Variants in GPC5 observed in about 807,000 individuals in gnomAD.
GPC5 encodes the protein glypican-5.
In GPC5, 47 loss-of-function variants were observed where a neutral mutation model predicts 53.9. The observed-to-expected ratio is 0.87, with a 90% CI of 0.69 to 1.11. GPC5 has a LOEUF of 1.11. Among genes scored for constraint, GPC5 ranks in the 50% most tolerant of loss-of-function variants. GPC5 has a pLI of 0.00. For missense variants in GPC5, 748 were observed against 713.1 expected (o/e 1.05, Z -0.56); for synonymous variants, 286 against 263.3 (o/e 1.09, Z -0.84).
At chr13:91,593,257 G>C (rs117388238) in intron 2 of GPC5, among the ~76,000 whole-genome samples, 3,110 of 152,242 alleles carry the variant, frequency 0.02, 48 homozygotes, top group Middle Eastern at 0.048. Flanking sequence ...CTCAGCCTCA[G>C]TGTCTGCGTG....
intron 6 of GPC5, among the ~76,000 whole-genome samples, chr13:92,037,438 A>G (rs1055727930): frequency 6.6e-6 from 1 of 152,180 alleles, no homozygotes; most frequent in African/African-American, 2.4e-5. Context: ...TGCTTTATTT[A>G]ACATGAACCT....
chr13:92,410,985 A>G (rs1876015818), intron 7 of GPC5, among the ~76,000 whole-genome samples: 1 of 152,264 alleles, frequency 6.6e-6, no homozygotes, highest in African/African-American at 2.4e-5. Context: ...CTATAATCCC[A>G]GTACTTTGGG....
chr13:91,572,381 T>C (rs547296593), intron 2 of GPC5, among the ~76,000 whole-genome samples: 1 of 151,882 alleles, frequency 6.6e-6, no homozygotes, highest in East Asian at 1.9e-4. Flanking sequence ...CAAGGGAATA[T>C]CTGAGACAGG....
intron 6 of GPC5, among the ~76,000 whole-genome samples, chr13:91,998,499 C>T (rs1167187770): frequency 6.6e-6 from 1 of 152,104 alleles, no homozygotes; most frequent in Non-Finnish European, 1.5e-5. Flanking sequence ...ATAAACATGA[C>T]CTAATCTCCT....
chr13:91,646,913 T>C (rs887572697), intron 2 of GPC5, among the ~76,000 whole-genome samples: 2 of 152,186 alleles, frequency 1.3e-5, no homozygotes, highest in Non-Finnish European at 2.9e-5. Context: ...ATTCAAGTTA[T>C]CAGTCATCAT....
chr13:91,652,438 C>T (rs745843684), intron 2 of GPC5, among the ~76,000 whole-genome samples: 15 of 152,036 alleles, frequency 9.9e-5, no homozygotes, highest in African/African-American at 2.7e-4. Context: ...CATATTTAAT[C>T]GCCAGCATTA....
intron 7 of GPC5, among the ~76,000 whole-genome samples, chr13:92,325,107 C>CACACACAA (rs1474882889): frequency 1.4e-5 from 2 of 142,482 alleles, no homozygotes; most frequent in African/African-American, 3.0e-5. Context: ...ACTTCTGACA[C>CACACACAA]ACACACACAC....
intron 7 of GPC5, among the ~76,000 whole-genome samples, chr13:92,146,315 G>C (rs1418956042): frequency 6.6e-6 from 1 of 151,890 alleles, no homozygotes; most frequent in Non-Finnish European, 1.5e-5. Flanking sequence ...ATGGATGTAA[G>C]AAAATAAAGA....
chr13:91,563,110 A>T (rs995496583), intron 2 of GPC5, among the ~76,000 whole-genome samples: 27 of 152,174 alleles, frequency 1.8e-4, no homozygotes, highest in African/African-American at 6.3e-4. Context: ...GTTCTGTTAA[A>T]TCTCTTGTTT....
At chr13:92,609,903 T>A (rs2139093254) in intron 7 of GPC5, among the ~76,000 whole-genome samples, 1 of 151,848 alleles carries the variant, frequency 6.6e-6, no homozygotes, top group African/African-American at 2.4e-5. Context: ...TGGTGGCATG[T>A]GCCTGTAATC....
At chr13:92,365,795 AG>A (rs1398789833) in intron 7 of GPC5, among the ~76,000 whole-genome samples, 1 of 151,336 alleles carries the variant, frequency 6.6e-6, no homozygotes, top group Admixed American at 6.6e-5. Context: ...TGGGGTCTTC[AG>A]GGGCAATTGC....
rs150682772 is a variant in GPC5, at chr13:92,431,644, G to A, written c.1561+286655G>A. 1.8e-3 allele frequency among the ~76,000 whole-genome samples: 280 copies of A among 152,134 alleles called. 1 individual carries two copies. Among genetic ancestry groups the A allele is most frequent in the African/African-American group, 6.3e-3 (262 of 41,528 alleles). ...AAGACTACAGAGGCCATGGTGAGGA[G>A]GAGAGCTTGTGGGAAAGCCATCGGA... On this transcript the variant is annotated intron_variant, in intron 7 of 7. Coordinates refer to ENST00000377067, the MANE Select transcript of GPC5 (RefSeq NM_004466.6).
intron 7 of GPC5, among the ~76,000 whole-genome samples, chr13:92,255,304 G>A (rs1160667388): frequency 2.0e-5 from 3 of 152,086 alleles, no homozygotes; most frequent in Non-Finnish European, 4.4e-5. Flanking sequence ...CTAGAATGGG[G>A]CATCAAAGAG....
At chr13:91,650,680 C>A (rs1330254198) in intron 2 of GPC5, among the ~76,000 whole-genome samples, 1 of 149,114 alleles carries the variant, frequency 6.7e-6, no homozygotes, top group Admixed American at 6.8e-5. Flanking sequence ...TCACTGACTA[C>A]TCATATTAAG....
rs551895386 is a variant in GPC5 at position 91,784,982 on chromosome 13, T to C, written c.1280+28562T>C. Among the ~76,000 whole-genome samples, 13 of 152,326 alleles carry C rather than the reference T, an allele frequency of 8.5e-5. No homozygotes were observed. The South Asian group carries it at 2.5e-3, about 29-fold the overall frequency. ...AGTGGTTGCTACTTGGGTATCTTTTTATTTGATCTAGCAGCAGCATTTGAC... is the reference window on the plus strand; with the variant it reads ...AGTGGTTGCTACTTGGGTATCTTTTCATTTGATCTAGCAGCAGCATTTGAC... On this transcript the variant is annotated intron_variant, in intron 5 of 7. Transcript: ENST00000377067.
At chr13:92,645,326 G>A (rs1488585780) in intron 7 of GPC5, among the ~76,000 whole-genome samples, 2 of 152,132 alleles carry the variant, frequency 1.3e-5, no homozygotes, top group Non-Finnish European at 2.9e-5. Context: ...TGTATTTTCA[G>A]TAGAGACGGG....
chr13:92,714,150 T>C (rs890948019), intron 7 of GPC5, among the ~76,000 whole-genome samples: 4 of 152,172 alleles, frequency 2.6e-5, no homozygotes, highest in Non-Finnish European at 5.9e-5. Flanking sequence ...ACCAGCTACA[T>C]TTGATAGGAT....
intron 7 of GPC5, among the ~76,000 whole-genome samples, chr13:92,795,597 A>G (rs1357660530): frequency 6.6e-6 from 1 of 152,190 alleles, no homozygotes. Context: ...CAGGCAACCT[A>G]CAGAATGGGA....
intron 2 of GPC5, among the ~76,000 whole-genome samples, chr13:91,547,259 C>A (rs370951004): frequency 2.0e-4 from 31 of 152,088 alleles, no homozygotes; most frequent in African/African-American, 7.2e-4. Context: ...TAAATGGAGA[C>A]AGTGTATTAC....
Sources: gnomAD v4.1 joint callset for allele counts (sites outside exome capture counted in the v4.1 genomes callset) on GRCh38, gnomAD v4.1.1 for gene constraint, MANE v1.5 for transcripts, NCBI Gene and HGNC (gene_info 2026-07-23, HGNC 2026-07-21) for gene names.